NCOA1: variants seen among roughly 807,000 people sequenced by gnomAD.
NCOA1 encodes Hin-2 protein.
In NCOA1, 35 loss-of-function variants were observed where a neutral mutation model predicts 150.9. The observed-to-expected ratio is 0.23, with a 90% confidence interval of 0.18 to 0.31. The LOEUF (loss-of-function observed/expected upper bound fraction) is 0.31. NCOA1 is among the 10% of genes least tolerant of loss of function. The probability of loss-of-function intolerance (pLI) is 1.00; values close to 1 mark genes in which losing one functional copy is unlikely to be tolerated. For synonymous variants in NCOA1, 590 were observed against 630.0 expected (o/e 0.94, Z 0.95); for missense variants, 1,491 against 1,749.3 (o/e 0.85, Z 2.63).
At chr2:24,557,960 G>A (rs1479021358) in intron 1 of NCOA1, among the ~76,000 whole-genome samples, 1 of 150,960 alleles carries the variant, frequency 6.6e-6, no homozygotes, top group African/African-American at 2.4e-5. Flanking sequence ...TATTATGAAG[G>A]GTTCCTTGGA....
At position 24,549,772 on chromosome 2, in the gene NCOA1, G is replaced by A. The variant is rs569322595; in HGVS notation, c.-395-14523G>A. Among the ~76,000 whole-genome samples the A allele has an allele frequency of 4.6e-5, 7 of 152,198 alleles. No individual in the cohort carries two copies. The South Asian group carries it at 8.3e-4, about 18-fold the overall frequency. On this transcript the variant is annotated intron_variant, in intron 1 of 22. Transcript: ENST00000348332. ...TTTTTAGTAGAGACAGGGTTTCACCGTGTTAACCAGGATGGTCTCGATCTC... is the reference window on the plus strand; with the variant it reads ...TTTTTAGTAGAGACAGGGTTTCACCATGTTAACCAGGATGGTCTCGATCTC...
chr2:24,494,606 TC>T (rs1663121048), intron 1 of NCOA1, among the ~76,000 whole-genome samples: 1 of 152,154 alleles, frequency 6.6e-6, no homozygotes, highest in Admixed American at 6.6e-5. Flanking sequence ...TAACAGAAAT[TC>T]TCAGAGGACC....
rs1427472394 is a variant in NCOA1, at chr2:24,491,560, GA to G, written c.-437del. Among the ~76,000 whole-genome samples the G allele has an allele frequency of 7.2e-5, 8 of 111,200 alleles. No homozygotes were observed. The highest frequency in any genetic ancestry group is 2.7e-4 in the African/African-American group (5 of 18,784). 73.0% of individuals were successfully genotyped at this position (111,200 alleles called of 152,430 possible). ...CGGCGCCGCCGCCACGGTCGCGGAC[GA>G]GTGCGGCGCCGGTGAGCGGGGCCCA... On this transcript the variant is annotated 5_prime_UTR_variant, in exon 1 of 23. Coordinates refer to ENST00000348332, the MANE Select transcript of NCOA1 (RefSeq NM_003743.5).
intron 17 of NCOA1, among the ~76,000 whole-genome samples, chr2:24,730,761 C>T (rs1408609166): frequency 5.3e-5 from 8 of 151,410 alleles, no homozygotes; most frequent in Non-Finnish European, 1.2e-4. Flanking sequence ...CGTGGTGGCT[C>T]ACGCCTCTAA....
intron 3 of NCOA1, among the ~76,000 whole-genome samples, chr2:24,625,284 T>C (rs962296349): frequency 1.3e-5 from 2 of 151,118 alleles, no homozygotes; most frequent in Admixed American, 1.3e-4. Context: ...GAGAATTGCT[T>C]GAACCCAGGA....
chr2:24,701,277 G>A (rs774495264), intron 11 of NCOA1, among the ~76,000 whole-genome samples: 13 of 152,112 alleles, frequency 8.5e-5, no homozygotes, highest in Admixed American at 3.9e-4. Flanking sequence ...GCTGAGACAG[G>A]AGGATTGCTT....
chr2:24,605,865 A>G (rs1197573623), intron 3 of NCOA1, among the ~76,000 whole-genome samples: 1 of 152,072 alleles, frequency 6.6e-6, no homozygotes. Context: ...CTCTTCTCCC[A>G]TCTTTTGGCC....
In NCOA1 at chr2:24,620,181, G is replaced by T. The variant is rs1466728373; in HGVS notation, c.-174-23785G>T. Among the ~76,000 whole-genome samples the T allele has an allele frequency of 4.6e-5, 7 of 152,276 alleles. No individual in the cohort carries two copies. The South Asian group carries it at 1.4e-3, about 32-fold the overall frequency. On this transcript the variant is annotated intron_variant, in intron 3 of 22. Coordinates refer to ENST00000348332, the MANE Select transcript of NCOA1 (RefSeq NM_003743.5). ...ACTAAGAAAAGCATGCCTTTGGGGAGACTCAGTTCATCTTGCAATAATAAA... is the reference window on the plus strand; with the variant it reads ...ACTAAGAAAAGCATGCCTTTGGGGATACTCAGTTCATCTTGCAATAATAAA...
intron 22 of NCOA1, 60 bp downstream of exon 22, chr2:24,762,836 T>C: frequency 7.0e-7 from 1 of 1,434,362 alleles, no homozygotes. Flanking sequence ...ACAGAGGTCA[T>C]TGTGTAGCAT....
At chr2:24,696,105 C>G (rs886287131) in intron 10 of NCOA1, among the ~76,000 whole-genome samples, 1 of 152,156 alleles carries the variant, frequency 6.6e-6, no homozygotes, top group Non-Finnish European at 1.5e-5. Flanking sequence ...CCAAACTGTT[C>G]TTAAATGACA....
chr2:24,768,198 C>T (rs1465155087), intron 22 of NCOA1, 23 bp from the exon 23 acceptor site: 15 of 1,612,084 alleles, frequency 9.3e-6, no homozygotes, highest in Non-Finnish European at 1.3e-5. Context: ...TCTGTCTAAA[C>T]ACATCTTTTA....
intron 3 of NCOA1, among the ~76,000 whole-genome samples, chr2:24,623,750 G>T (rs1343520766): frequency 6.6e-6 from 1 of 152,148 alleles, no homozygotes; most frequent in Non-Finnish European, 1.5e-5. Context: ...CCATCTTCCT[G>T]TGTCCTCACA....
At chr2:24,755,131 A>G (rs1293925262) in intron 20 of NCOA1, among the ~76,000 whole-genome samples, 1 of 152,264 alleles carries the variant, frequency 6.6e-6, no homozygotes, top group Non-Finnish European at 1.5e-5. Context: ...CCCTGCTGCC[A>G]AATAACGAAG....
intron 7 of NCOA1, among the ~76,000 whole-genome samples, chr2:24,677,150 C>A (rs1033027482): frequency 6.6e-6 from 1 of 151,996 alleles, no homozygotes; most frequent in South Asian, 2.1e-4. Flanking sequence ...TTGAGACCAG[C>A]CTGGCCAACA....
At chr2:24,539,850 G>T (rs895919201) in intron 1 of NCOA1, among the ~76,000 whole-genome samples, 3 of 152,154 alleles carry the variant, frequency 2.0e-5, no homozygotes, top group Admixed American at 6.5e-5. Context: ...TAATTCATTA[G>T]CATTACTGCA....
At chr2:24,612,987 G>A (rs1363725986) in intron 3 of NCOA1, among the ~76,000 whole-genome samples, 2 of 152,022 alleles carry the variant, frequency 1.3e-5, no homozygotes, top group African/African-American at 2.4e-5. Context: ...TCTTGCACTG[G>A]TTCCTTCTCA....
In NCOA1 at chr2:24,706,892, T is replaced by A; in HGVS notation, c.1422T>A (p.Ser474=). 1.2e-6 allele frequency: 2 copies of A among 1,614,106 alleles called. No homozygotes were observed. Among genetic ancestry groups the A allele is most frequent in the African/African-American group, 2.7e-5 (2 of 75,020 alleles). The part of the protein sequence containing the change: ...SSNPSLNLNN[S]PMEGTGISLA... ...ATCCCTCTTTAAACCTCAATAATTC[T>A]CCTATGGAAGGTACAGGAATATCCC... The change falls in exon 13 of 23, where the codon TCT becomes TCA. Residue 474 remains serine (S), a synonymous_variant. Transcript: ENST00000348332.
chr2:24,613,084 T>A (rs1668702129), intron 3 of NCOA1, among the ~76,000 whole-genome samples: 1 of 151,618 alleles, frequency 6.6e-6, no homozygotes, highest in African/African-American at 2.4e-5. Flanking sequence ...CCTGTAATAT[T>A]TTTTTTTTCT....
At chr2:24,672,470 C>T (rs1671731887) in intron 6 of NCOA1, among the ~76,000 whole-genome samples, 1 of 152,218 alleles carries the variant, frequency 6.6e-6, no homozygotes, top group Non-Finnish European at 1.5e-5. Flanking sequence ...TTATAGCCCA[C>T]CGCTGCCTCA....
Sources: gnomAD v4.1 joint callset for allele counts (sites outside exome capture counted in the v4.1 genomes callset) on GRCh38, gnomAD v4.1.1 for gene constraint, MANE v1.5 for transcripts, NCBI Gene and HGNC (gene_info 2026-07-23, HGNC 2026-07-21) for gene names.